The following PIGL variants were observed in gnomAD, a reference collection of about 807,000 sequenced individuals.
The protein encoded by PIGL is N-acetylglucosaminyl-phosphatidylinositol de-N-acetylase.
PIGL carries 22 observed loss-of-function variants against 31.1 expected under a neutral mutation model. That is an observed-to-expected ratio of 0.71 (90% CI 0.51 to 1.01). PIGL has a LOEUF of 1.01. Ranked by LOEUF, PIGL falls within the 50% of genes least tolerant of loss-of-function variation. The pLI, the probability that PIGL is intolerant of heterozygous loss-of-function variation, is 0.00. For synonymous variants in PIGL, 131 were observed against 117.4 expected (o/e 1.12, Z -0.75); for missense variants, 302 against 315.9 (o/e 0.96, Z 0.33).
At chr17:16,277,092 T>C in intron 2 of PIGL, among the ~76,000 whole-genome samples, 1 of 152,200 alleles carries the variant, frequency 6.6e-6, no homozygotes, top group East Asian at 1.9e-4. Context: ...GGACTTGTCA[T>C]AAAGTGACAT....
intron 2 of PIGL, among the ~76,000 whole-genome samples, chr17:16,271,600 T>G (rs2092872912): frequency 6.6e-6 from 1 of 152,064 alleles, no homozygotes; most frequent in African/African-American, 2.4e-5. Flanking sequence ...GGTGCAATCT[T>G]GGCTTACCGC....
rs145308438 is a variant in PIGL, at chr17:16,322,737, C to T, written c.661-3063C>T. On this transcript the variant is annotated intron_variant, in intron 6 of 6. Coordinates refer to ENST00000225609, the MANE Select transcript of PIGL (RefSeq NM_004278.4). ...GCTTTTGTAGTCATTCGTGGACACT[C>T]GCAGAGGGGTGAAACATGAGTCACT... Among the ~76,000 whole-genome samples, 1,122 of 152,284 alleles carry T rather than the reference C, an allele frequency of 7.4e-3. 15 individuals are homozygous for T. The highest frequency in any genetic ancestry group is 0.026 in the African/African-American group (1,074 of 41,552).
intron 3 of PIGL, among the ~76,000 whole-genome samples, chr17:16,307,440 G>A (rs1424316906): frequency 6.6e-6 from 1 of 152,208 alleles, no homozygotes; most frequent in Non-Finnish European, 1.5e-5. Context: ...TGTGCACGCT[G>A]GGTGGGAGAG....
chr17:16,314,212 T>A (rs2093066545), intron 4 of PIGL, among the ~76,000 whole-genome samples: 1 of 152,238 alleles, frequency 6.6e-6, no homozygotes, highest in Non-Finnish European at 1.5e-5. Flanking sequence ...ATAGATGTGT[T>A]TCCTGTCCCC....
chr17:16,302,543 A>G (rs1251778567), intron 3 of PIGL, among the ~76,000 whole-genome samples: 1 of 152,122 alleles, frequency 6.6e-6, no homozygotes, highest in Non-Finnish European at 1.5e-5. Context: ...ACTTCAGTGC[A>G]CGAGAACTAC....
chr17:16,270,957 G>C (rs73287423), intron 2 of PIGL, among the ~76,000 whole-genome samples: 7,374 of 151,706 alleles, frequency 0.049, 614 homozygotes, highest in African/African-American at 0.17. Context: ...CCAGTGTAAA[G>C]GTTATTAACC....
intron 2 of PIGL, among the ~76,000 whole-genome samples, chr17:16,256,992 CT>C (rs2092796649): frequency 6.6e-6 from 1 of 152,156 alleles, no homozygotes. Flanking sequence ...CAGCCAGTCT[CT>C]TTTTAAGACC....
At chr17:16,257,245 C>T (rs1316393335) in intron 2 of PIGL, among the ~76,000 whole-genome samples, 4 of 151,804 alleles carry the variant, frequency 2.6e-5, no homozygotes, top group East Asian at 1.9e-4. Context: ...GGTGAAACCC[C>T]GTCTCTACTA....
chr17:16,296,608 T>A (rs1600836853), intron 2 of PIGL, among the ~76,000 whole-genome samples: 2 of 139,874 alleles, frequency 1.4e-5, no homozygotes, highest in African/African-American at 5.3e-5. Flanking sequence ...AGACTCCATC[T>A]CAAAAAAAAA....
chr17:16,275,044 A>G (rs1282820389), intron 2 of PIGL, among the ~76,000 whole-genome samples: 1 of 151,984 alleles, frequency 6.6e-6, no homozygotes, highest in African/African-American at 2.4e-5. Context: ...AAAAAAAAAA[A>G]GAAAAGAAAG....
At chr17:16,320,342 A>AAGGGAAGGAAG (rs2093099236) in intron 6 of PIGL, among the ~76,000 whole-genome samples, 1 of 132,370 alleles carries the variant, frequency 7.6e-6, no homozygotes, top group South Asian at 2.8e-4. Flanking sequence ...GAAGGAAGGG[A>AAGGGAAGGAAG]AGGGAAGGAA....
intron 2 of PIGL, among the ~76,000 whole-genome samples, chr17:16,246,730 C>G (rs905605812): frequency 2.5e-5 from 3 of 120,626 alleles, no homozygotes; most frequent in Non-Finnish European, 5.0e-5. Context: ...CCAGGCCGGA[C>G]TGCGGACTGC....
chr17:16,239,163 T>C (rs949606682), intron 2 of PIGL, among the ~76,000 whole-genome samples: 5 of 151,740 alleles, frequency 3.3e-5, no homozygotes, highest in Admixed American at 3.3e-4. Flanking sequence ...GGCAGAACCC[T>C]GTCTCTAAAA....
chr17:16,316,345 A>G (rs1293427809), intron 4 of PIGL, among the ~76,000 whole-genome samples: 1 of 152,198 alleles, frequency 6.6e-6, no homozygotes, highest in African/African-American at 2.4e-5. Context: ...TTCCCCCATC[A>G]TACTCACATT....
chr17:16,237,491 C>A (rs1010645561), intron 2 of PIGL, among the ~76,000 whole-genome samples: 1 of 151,406 alleles, frequency 6.6e-6, no homozygotes, highest in Non-Finnish European at 1.5e-5. Context: ...TTTTGTTTAA[C>A]GTCATTGATA....
rs750654333 is a variant in PIGL, at chr17:16,325,864, G to A, written c.725G>A (p.Arg242Gln). The change falls in exon 7 of 7, where the codon CGG (arginine) becomes CAG (glutamine). Residue 242 changes from arginine to glutamine, a missense_variant. By Grantham distance (43) the Arg-to-Gln change is conservative. Transcript: ENST00000225609. The part of the protein sequence containing the change: ...WFRRLYIIFS[R>Q]YMRINSLSFL ...CGCCGCCTCTACATTATCTTCTCCC[G>A]GTACATGAGAATCAACTCACTGAGC... 15 of 1,613,668 alleles carry A rather than the reference G, an allele frequency of 9.3e-6. No homozygotes were observed. Among genetic ancestry groups the A allele is most frequent in the African/African-American group, 1.3e-5 (1 of 74,890 alleles).
chr17:16,218,713 C>T (rs2092611091), intron 1 of PIGL, among the ~76,000 whole-genome samples: 1 of 136,626 alleles, frequency 7.3e-6, no homozygotes, highest in African/African-American at 2.7e-5. Context: ...TAGTCTCGCT[C>T]TGTTGCCCAG....
chr17:16,318,013 A>T (rs1334382136), intron 6 of PIGL, 105 bp downstream of exon 6: 11 of 932,000 alleles, frequency 1.2e-5, no homozygotes, highest in Non-Finnish European at 1.9e-5. Flanking sequence ...GGTTTTTCAC[A>T]GTGGTTCAGC....
intron 2 of PIGL, among the ~76,000 whole-genome samples, chr17:16,296,785 C>T (rs1051055741): frequency 2.6e-5 from 4 of 151,760 alleles, no homozygotes; most frequent in Non-Finnish European, 5.9e-5. Context: ...GGCACGGTCT[C>T]GGCTGACTGC....
Sources: gnomAD v4.1 joint callset for allele counts (sites outside exome capture counted in the v4.1 genomes callset) on GRCh38, gnomAD v4.1.1 for gene constraint, MANE v1.5 for transcripts, NCBI Gene and HGNC (gene_info 2026-07-23, HGNC 2026-07-21) for gene names.